Variants in PRDM10 observed in about 807,000 individuals in gnomAD.
PRDM10 encodes PR/SET domain 10.
Under a neutral mutation model 133.1 loss-of-function variants are expected in PRDM10, and 65 were observed. The ratio of observed to expected loss-of-function variants is 0.49; its 90% CI spans 0.40 to 0.60. The LOEUF (loss-of-function observed/expected upper bound fraction) is 0.60, where lower values mean the gene tolerates loss of function less well. Among genes scored for constraint, PRDM10 ranks in the 20% least tolerant of loss-of-function variants. PRDM10 has a pLI of 0.00. For missense variants in PRDM10, 1,137 were observed against 1,507.1 expected (o/e 0.75, Z 4.07); for synonymous variants, 582 against 580.4 (o/e 1.00, Z -0.04).
chr11:129,952,756 T>G (rs1456060952), intron 4 of PRDM10, among the ~76,000 whole-genome samples: 1 of 151,978 alleles, frequency 6.6e-6, no homozygotes, highest in Non-Finnish European at 1.5e-5. Context: ...TGGGCTCAAG[T>G]GGTCCTCCTG....
At chr11:129,984,041 T>C (rs1466193037) in intron 1 of PRDM10, among the ~76,000 whole-genome samples, 4 of 152,186 alleles carry the variant, frequency 2.6e-5, no homozygotes, top group Non-Finnish European at 5.9e-5. Flanking sequence ...TTTGGATTCT[T>C]GTCTCCAAAA....
At chr11:129,958,066 C>A (rs889599905) in intron 2 of PRDM10, among the ~76,000 whole-genome samples, 156 bp from the exon 3 acceptor site, 1 of 152,194 alleles carries the variant, frequency 6.6e-6, no homozygotes, top group African/African-American at 2.4e-5. Context: ...GATGCAAGGA[C>A]CTTGTCATTG....
intron 20 of PRDM10, among the ~76,000 whole-genome samples, chr11:129,904,656 C>T (rs929313665): frequency 1.3e-5 from 2 of 152,170 alleles, no homozygotes; most frequent in Non-Finnish European, 2.9e-5. Context: ...TGCACCACCA[C>T]ACCCAGCTAA....
At chr11:129,920,222 T>G (rs1443121372) in intron 13 of PRDM10, among the ~76,000 whole-genome samples, 1 of 152,212 alleles carries the variant, frequency 6.6e-6, no homozygotes, top group Non-Finnish European at 1.5e-5. Context: ...TACCACACCA[T>G]GCTATGCACA....
intron 17 of PRDM10, among the ~76,000 whole-genome samples, chr11:129,912,800 C>T (rs1950231496): frequency 6.6e-6 from 1 of 150,486 alleles, no homozygotes; most frequent in African/African-American, 2.4e-5. Context: ...TGGCTCACCC[C>T]TGTAATCCCA....
intron 1 of PRDM10, among the ~76,000 whole-genome samples, chr11:129,981,228 G>A (rs1938093486): frequency 6.6e-6 from 1 of 152,020 alleles, no homozygotes; most frequent in Non-Finnish European, 1.5e-5. Context: ...GATGATGGTT[G>A]TACATACCTA....
rs554685669 is a variant in PRDM10 at position 129,900,685 on chromosome 11, G to A, written c.*1628C>T. On this transcript the variant is annotated 3_prime_UTR_variant, in exon 21 of 21. Transcript: ENST00000360871. ...TTACACTGTGGGACTTAGGGAACCC[G>A]AACCTGTGTTTTGCAATGCAGGGTC... 16 of 152,308 alleles carry A rather than the reference G, an allele frequency of 1.1e-4. No homozygotes were observed. The highest frequency in any genetic ancestry group is 3.1e-4 in the African/African-American group (13 of 41,578). 9.4% of individuals were successfully genotyped at this position (152,308 alleles called of 1,614,324 possible).
intron 4 of PRDM10, chr11:129,948,185 G>C: frequency 2.3e-6 from 1 of 427,950 alleles, no homozygotes; most frequent in Admixed American, 2.6e-5. Context: ...AATAAAAATG[G>C]TACCTTAAAA....
chr11:129,917,131 T>G lies in PRDM10; in HGVS notation c.2321A>C (p.Asp774Ala). ...PNRDYFCQYCDKVYKSASKRK... is the reference protein window; with the variant it reads ...PNRDYFCQYCAKVYKSASKRK... ...ATATGAATATTTCCCTTTTACCTTA[T>G]CGCAATACTGACAAAAGTAATCACG... The change falls in exon 15 of 21, where the codon GAT becomes GCT. Residue 774 changes from aspartate to alanine, a missense_variant. By Grantham distance (126) the Asp-to-Ala change is moderately radical. Coordinates refer to ENST00000360871, the MANE Select transcript of PRDM10 (RefSeq NM_199437.2). 6.2e-7 allele frequency: 1 copy of G among 1,604,968 alleles called. No individual in the cohort carries two copies. Among genetic ancestry groups the G allele is most frequent in the Non-Finnish European group, 8.5e-7 (1 of 1,171,792 alleles).
intron 15 of PRDM10, 68 bp from the exon 16 acceptor site, chr11:129,915,928 CAAT>C: frequency 8.6e-7 from 1 of 1,161,354 alleles, no homozygotes; most frequent in Middle Eastern, 2.4e-4. Flanking sequence ...AGCAAACTAA[CAAT>C]TTCATTATAA....
intron 1 of PRDM10, among the ~76,000 whole-genome samples, chr11:129,983,299 T>C (rs1220623571): frequency 9.8e-5 from 10 of 102,036 alleles, no homozygotes; most frequent in Admixed American, 2.0e-4. Context: ...TTATTTCTCC[T>C]TTTTTTTTTT....
chr11:129,971,789 G>A (rs1952032194), intron 1 of PRDM10, among the ~76,000 whole-genome samples: 1 of 152,350 alleles, frequency 6.6e-6, no homozygotes, highest in South Asian at 2.1e-4. Context: ...TCCCGCACCG[G>A]GGCTGCAGGT....
At chr11:129,930,837 G>A (rs1950829937) in intron 11 of PRDM10, among the ~76,000 whole-genome samples, 179 bp downstream of exon 11, 1 of 152,158 alleles carries the variant, frequency 6.6e-6, no homozygotes, top group Non-Finnish European at 1.5e-5. Context: ...CCTGCCATGG[G>A]ACACAGAGAC....
intron 3 of PRDM10, among the ~76,000 whole-genome samples, chr11:129,955,857 T>C (rs1214216958): frequency 2.0e-5 from 3 of 152,160 alleles, no homozygotes; most frequent in African/African-American, 7.2e-5. Context: ...AATGTCACAG[T>C]TAATTAAAAA....
rs1440982033 is a variant in PRDM10 at position 129,960,944 on chromosome 11, G to C, written c.21C>G (p.Ser7Arg). ...CTGCAGATGTCGGCCACACATGCGA[G>C]CTTTCATCTTTGGAATCCATCTTCT... Reference protein sequence around the residue: MDSKDESSHVWPTSAEH... With the variant: MDSKDERSHVWPTSAEH... Residue 7 changes from serine (S) to arginine (R), a missense_variant, in exon 2 of 21, where the codon AGC becomes AGG. Around this residue, in one of 6 missense-constraint regions of PRDM10, gnomAD observed 635 missense variants for 835.2 expected, o/e 0.76. Coordinates refer to ENST00000360871, the MANE Select transcript of PRDM10 (RefSeq NM_199437.2). The C allele has an allele frequency of 6.2e-7, 1 of 1,614,144 alleles. No individual in the cohort carries two copies. Among genetic ancestry groups the C allele is most frequent in the South Asian group, 1.1e-5 (1 of 91,076 alleles).
chr11:129,935,232 A>G lies in PRDM10; in HGVS notation c.1040-14T>C, dbSNP rs1402923766. Reference sequence around the variant, plus strand: ...GCTCTCGAAGAACTACAGTCACAGGAGAGAAATCATAAAGGCTGATGACCA... The same window carrying G: ...GCTCTCGAAGAACTACAGTCACAGGGGAGAAATCATAAAGGCTGATGACCA... On this transcript the variant is annotated splice_polypyrimidine_tract_variant and intron_variant, in intron 8 of 20. Transcript: ENST00000360871. 6.3e-7 allele frequency: 1 copy of G among 1,599,014 alleles called. No homozygotes were observed. The highest frequency in any genetic ancestry group is 1.1e-5 in the South Asian group (1 of 90,796).
Position 129,912,065 on chromosome 11 carries a change from T to C in PRDM10, c.2982+20A>G. On this transcript the variant is annotated intron_variant, in intron 18 of 20. Coordinates refer to ENST00000360871, the MANE Select transcript of PRDM10 (RefSeq NM_199437.2). Reference sequence around the variant, plus strand: ...CTGAAGCCATGATAACACCTCCAAATAGTCTGTGGAGCAGGGTACCTGGGC... The same window carrying C: ...CTGAAGCCATGATAACACCTCCAAACAGTCTGTGGAGCAGGGTACCTGGGC... 6.3e-7 allele frequency: 1 copy of C among 1,578,982 alleles called. No homozygotes were observed. The highest frequency in any genetic ancestry group is 8.6e-7 in the Non-Finnish European group (1 of 1,162,632).
intron 17 of PRDM10, among the ~76,000 whole-genome samples, chr11:129,913,032 C>T (rs1950238410): frequency 6.7e-6 from 1 of 148,920 alleles, no homozygotes; most frequent in Non-Finnish European, 1.5e-5. Context: ...TGGACTCTAG[C>T]CCGGGCAACA....
intron 6 of PRDM10, among the ~76,000 whole-genome samples, chr11:129,944,517 G>T (rs909811051): frequency 2.6e-5 from 4 of 151,644 alleles, no homozygotes; most frequent in Admixed American, 6.6e-5. Flanking sequence ...CCCGGAAGGC[G>T]GAGCTTGCAG....
Sources: allele counts gnomAD v4.1 joint callset (sites outside exome capture counted in the v4.1 genomes callset), GRCh38; gene constraint gnomAD v4.1.1; regional missense constraint gnomAD v4.1.1; transcripts MANE v1.5; gene names NCBI Gene and HGNC (gene_info 2026-07-23, HGNC 2026-07-21).